Variants in GDF15 observed in about 807,000 individuals in gnomAD.
GDF15 encodes the protein growth differentiation factor 15.
GDF15 carries 10 observed loss-of-function variants against 8.9 expected under a neutral mutation model. The ratio of observed to expected loss-of-function variants is 1.12; its 90% CI spans 0.69 to 1.90. GDF15 has a LOEUF of 1.90. Among genes scored for constraint, GDF15 ranks in the 40% most tolerant of loss-of-function variants. The pLI is 0.00. For synonymous variants in GDF15, 228 were observed against 210.6 expected, an observed-to-expected ratio of 1.08 and a Z score of -0.72; for missense variants, 452 against 434.2, an observed-to-expected ratio of 1.04 and a Z score of -0.36.
chr19:18,386,571 G>A, intron 1 of GDF15, 105 bp downstream of exon 1: 1 of 966,434 alleles, frequency 1.0e-6, no homozygotes, highest in East Asian at 2.6e-5. Context: ...AGCCTCAGTT[G>A]CCCCATCTGT....
chr19:18,388,681 T>TG lies in GDF15; in HGVS notation c.676dup (p.Ala226GlyfsTer73), dbSNP rs1971864270. ...CCGCGCGTCGCTGGAAGACCTGGGC[T>TG]GGGCCGATTGGGTGCTGTCGCCACG... is the stretch of plus-strand genomic sequence containing the variant. On this transcript the variant is annotated frameshift_variant, in exon 2 of 2. Coordinates refer to ENST00000252809, the MANE Select transcript of GDF15 (RefSeq NM_004864.4). LOFTEE classifies it low-confidence loss of function (END_TRUNC). This position sits in a 1 kb window ranked among gnomAD's most constrained non-coding sequence, Gnocchi z 4.2. 6.2e-7 allele frequency: 1 copy of TG among 1,607,402 alleles called. No homozygotes were observed. Among genetic ancestry groups the TG allele is most frequent in the Non-Finnish European group, 8.5e-7 (1 of 1,178,086 alleles).
intron 1 of GDF15, among the ~76,000 whole-genome samples, chr19:18,387,769 A>G (rs1297321059): frequency 6.9e-6 from 1 of 144,108 alleles, no homozygotes; most frequent in East Asian, 2.1e-4. Flanking sequence ...GAAGAGGAGG[A>G]GCCAGCCATA....
Position 18,386,459 on chromosome 19 carries a change from G to A in GDF15, c.270G>A (p.Thr90=), listed in dbSNP as rs746324703. ...CGGCCCCTGCAGTCCGGATACTCAC[G>A]CCAGAAGGTAAGTGAAATCTTAGAG... The part of the protein sequence containing the change: ...LVPAPAVRIL[T]PEVRLGSGGH... The change falls in exon 1 of 2, where the codon ACG becomes ACA. Residue 90 remains threonine, a synonymous_variant. Coordinates refer to ENST00000252809, the MANE Select transcript of GDF15 (RefSeq NM_004864.4). The A allele has an allele frequency of 9.3e-6, 15 of 1,608,956 alleles. No homozygotes were observed. In the South Asian group the frequency reaches 1.5e-4, roughly 16 times the overall value.
At position 18,388,471 on chromosome 19, in the gene GDF15, C is replaced by T; in HGVS notation, c.463C>T (p.Leu155=). ...CCTTGCAAGACCCCAGGCGCCCGCG[C>T]TGCACCTGCGACTGTCGCCGCCGCC... The part of the protein sequence containing the change: ...LSLARPQAPA[L]HLRLSPPPSQ... The change falls in exon 2 of 2, where the codon CTG becomes TTG. Residue 155 remains leucine, a synonymous_variant. Transcript: ENST00000252809. The surrounding 1 kb of genome is among the most constrained non-coding windows in gnomAD (Gnocchi z 4.2). 1 of 1,607,966 alleles carries T rather than the reference C, an allele frequency of 6.2e-7. No homozygotes were observed. Among genetic ancestry groups the T allele is most frequent in the South Asian group, 1.1e-5 (1 of 90,822 alleles).
intron 1 of GDF15, 182 bp downstream of exon 1, chr19:18,386,648 A>C (rs1262527386): frequency 3.3e-6 from 2 of 609,354 alleles, no homozygotes; most frequent in Non-Finnish European, 5.8e-6. Context: ...ATTTGCACCC[A>C]CAACGTGGGA....
chr19:18,386,501 C>G (rs764881876), intron 1 of GDF15, 35 bp downstream of exon 1: 1 of 1,564,128 alleles, frequency 6.4e-7, no homozygotes, highest in South Asian at 1.1e-5. Flanking sequence ...TCCCACCCCC[C>G]AAGCAGCCCC....
rs769997784 is a variant in GDF15 at position 18,388,568 on chromosome 19, A to C, written c.560A>C (p.Gln187Pro). The change falls in exon 2 of 2, where the codon CAA becomes CCA. Residue 187 changes from glutamine to proline, a missense_variant. Physicochemically the swap from Gln to Pro is moderately conservative, Grantham distance 76. Transcript: ENST00000252809. The surrounding 1 kb of genome is among the most constrained non-coding windows in gnomAD (Gnocchi z 4.2). ...CAGCTGGAGTTGCACTTGCGGCCGC[A>C]AGCCGCCAGGGGGCGCCGCAGAGCG... ...RPQLELHLRP[Q>P]AARGRRRARA... 6 of 1,598,890 alleles carry C rather than the reference A, an allele frequency of 3.8e-6. No homozygotes were observed. The highest frequency in any genetic ancestry group is 4.3e-6 in the Non-Finnish European group (5 of 1,175,948).
At chr19:18,387,813 C>CTTTTTGTTTTTTTTTTTTGTTTTTTTTTT (rs1971848030) in intron 1 of GDF15, among the ~76,000 whole-genome samples, 4 of 70,328 alleles carry the variant, frequency 5.7e-5, no homozygotes, top group African/African-American at 2.4e-4. Flanking sequence ...GAGAAATGCC[C>CTTTTTGTTTTTTTTTTTTGTTTTTTTTTT]TTTTTTTTTT....
In GDF15 at chr19:18,388,565, C is replaced by G. The variant is rs770559920; in HGVS notation, c.557C>G (p.Pro186Arg). The G allele has an allele frequency of 6.3e-7, 1 of 1,597,622 alleles. No individual in the cohort carries two copies. Among genetic ancestry groups the G allele is most frequent in the Admixed American group, 1.7e-5 (1 of 58,574 alleles). ...CCCCAGCTGGAGTTGCACTTGCGGC[C>G]GCAAGCCGCCAGGGGGCGCCGCAGA... ...ARPQLELHLR[P>R]QAARGRRRAR... The change falls in exon 2 of 2, where the codon CCG (proline) becomes CGG (arginine). Residue 186 changes from proline to arginine, a missense_variant. Physicochemically the swap from Pro to Arg is moderately radical, Grantham distance 103. Coordinates refer to ENST00000252809, the MANE Select transcript of GDF15 (RefSeq NM_004864.4). The surrounding 1 kb of genome is among the most constrained non-coding windows in gnomAD (Gnocchi z 4.2).
rs201695537 is a variant in GDF15, at chr19:18,386,289, G to C, written c.100G>C (p.Glu34Gln). ...LPHGGALSLAEASRASFPGPS... is the reference protein window; with the variant it reads ...LPHGGALSLAQASRASFPGPS... ...GCATGGGGGCGCCCTGTCTCTGGCC[G>C]AGGCGAGCCGCGCAAGTTTCCCGGG... Residue 34 changes from glutamate to glutamine, a missense_variant, in exon 1 of 2, where the codon GAG becomes CAG. By Grantham distance (29) the Glu-to-Gln change is conservative (BLOSUM62 2). Coordinates refer to ENST00000252809, the MANE Select transcript of GDF15 (RefSeq NM_004864.4). The C allele has an allele frequency of 6.2e-7, 1 of 1,614,092 alleles. No homozygotes were observed. The highest frequency in any genetic ancestry group is 8.5e-7 in the Non-Finnish European group (1 of 1,180,026).
chr19:18,386,374 A>T lies in GDF15; in HGVS notation c.185A>T (p.Asp62Val). 2 of 1,613,956 alleles carry T rather than the reference A, an allele frequency of 1.2e-6. No individual in the cohort carries two copies. Among genetic ancestry groups the T allele is most frequent in the Non-Finnish European group, 1.7e-6 (2 of 1,179,988 alleles). The part of the protein sequence containing the change: ...RFRELRKRYE[D>V]LLTRLRANQS... ...CGAGAGTTGCGGAAACGCTACGAGG[A>T]CCTGCTAACCAGGCTGCGGGCCAAC... Residue 62 changes from aspartate to valine, a missense_variant, in exon 1 of 2, where the codon GAC (aspartate) becomes GTC (valine). Transcript: ENST00000252809.
rs1398405541 is a variant in GDF15, at chr19:18,388,788, C to T, written c.780C>T (p.Ser260=). Residue 260 remains serine, a synonymous_variant, in exon 2 of 2, where the codon AGC becomes AGT. Transcript: ENST00000252809. This position sits in a 1 kb window ranked among gnomAD's most constrained non-coding sequence, Gnocchi z 4.2. ...ACATGCACGCGCAGATCAAGACGAG[C>T]CTGCACCGCCTGAAGCCCGACACGG... ...AANMHAQIKT[S]LHRLKPDTVP... 2.4e-5 allele frequency: 39 copies of T among 1,611,376 alleles called. No individual in the cohort carries two copies. Among genetic ancestry groups the T allele is most frequent in the Non-Finnish European group, 3.1e-5 (37 of 1,179,962 alleles).
chr19:18,389,025 C>A lies in GDF15; in HGVS notation c.*90C>A. The A allele has an allele frequency of 2.5e-6, 2 of 815,840 alleles. No individual in the cohort carries two copies. The highest frequency in any genetic ancestry group is 1.9e-6 in the Non-Finnish European group (1 of 520,686). 50.5% of individuals were successfully genotyped at this position (815,840 alleles called of 1,614,324 possible). A position where few individuals can be genotyped will look rare whatever the true frequency, so the allele number is the denominator to read the frequency against. ...GAATGGGCTCAAGGTTCCTGAGACA[C>A]CCGATTCCTGCCCAAACAGCTGTAT... On this transcript the variant is annotated 3_prime_UTR_variant, in exon 2 of 2. Coordinates refer to ENST00000252809, the MANE Select transcript of GDF15 (RefSeq NM_004864.4).
At position 18,386,224 on chromosome 19, in the gene GDF15, C is replaced by T. The variant is rs1600248628; in HGVS notation, c.35C>T (p.Ser12Phe). Residue 12 changes from serine (S) to phenylalanine (F), a missense_variant, in exon 1 of 2, where the codon TCT becomes TTT. Ser to Phe is a radical substitution (Grantham distance 155). Coordinates refer to ENST00000252809, the MANE Select transcript of GDF15 (RefSeq NM_004864.4). Reference protein sequence around the residue: ...PGQELRTVNGSQMLLVLLVLS... With the variant: ...PGQELRTVNGFQMLLVLLVLS... ...CAAGAACTCAGGACGGTGAATGGCT[C>T]TCAGATGCTCCTGGTGTTGCTGGTG... The T allele has an allele frequency of 6.2e-7, 1 of 1,613,072 alleles. No individual in the cohort carries two copies. Among genetic ancestry groups the T allele is most frequent in the South Asian group, 1.1e-5 (1 of 91,024 alleles).
chr19:18,386,939 T>G, intron 1 of GDF15: 1 of 177,664 alleles, frequency 5.6e-6, no homozygotes, highest in South Asian at 1.1e-4. Flanking sequence ...GAGCGACTTG[T>G]TAGGGGAGGA....
At chr19:18,387,813 C>CTTTTTTTTTTTTTTTTTT (rs538473844) in intron 1 of GDF15, among the ~76,000 whole-genome samples, 936 of 70,276 alleles carry the variant, frequency 0.013, 153 homozygotes, top group Middle Eastern at 0.015. Flanking sequence ...GAGAAATGCC[C>CTTTTTTTTTTTTTTTTTT]TTTTTTTTTT....
Position 18,386,320 on chromosome 19 carries a change from C to CAGAA in GDF15, c.134_135insAAGA (p.Leu46ArgfsTer254). On this transcript the variant is annotated frameshift_variant, in exon 1 of 2. Transcript: ENST00000252809. LOFTEE classifies it high-confidence loss of function. The stretch of plus-strand genomic sequence containing the variant: ...AGCCGCGCAAGTTTCCCGGGACCCT[C>CAGAA]AGAGTTGCACTCCGAAGACTCCAGA... The CAGAA allele has an allele frequency of 6.2e-7, 1 of 1,614,148 alleles. No homozygotes were observed.
In GDF15 at chr19:18,388,011, C is replaced by T. The variant is rs1239453456; in HGVS notation, c.278-275C>T. Among the ~76,000 whole-genome samples, 1 of 151,756 alleles carries T rather than the reference C, an allele frequency of 6.6e-6. No homozygotes were observed. The highest frequency in any genetic ancestry group is 1.5e-5 in the Non-Finnish European group (1 of 67,938). On this transcript the variant is annotated intron_variant, in intron 1 of 1. Coordinates refer to ENST00000252809, the MANE Select transcript of GDF15 (RefSeq NM_004864.4). The surrounding 1 kb of genome is among the most constrained non-coding windows in gnomAD (Gnocchi z 4.2). ...TAATTTTTGGTATTTTTAGTAGAAGCGGGCGTTTCACCATATTGGCCACAT... is the reference window on the plus strand; with the variant it reads ...TAATTTTTGGTATTTTTAGTAGAAGTGGGCGTTTCACCATATTGGCCACAT...
Position 18,389,152 on chromosome 19 carries a change from T to TA in GDF15, c.*222dup. The TA allele has an allele frequency of 2.2e-6, 1 of 452,146 alleles. No individual in the cohort carries two copies. The highest frequency in any genetic ancestry group is 3.9e-6 in the Non-Finnish European group (1 of 256,006). The allele number at this position is 452,146 out of a possible 1,614,324, so 28.0% of individuals were successfully genotyped here. ...GTGTATTTATTTAAAACTCTGGTGA[T>TA]AAAAATAAAGCTGTCTGAACTGTTC... On this transcript the variant is annotated 3_prime_UTR_variant, in exon 2 of 2. Transcript: ENST00000252809.
Sources: allele counts gnomAD v4.1 joint callset (sites outside exome capture counted in the v4.1 genomes callset), GRCh38; gene constraint gnomAD v4.1.1; non-coding constraint Gnocchi (gnomAD v3.1); transcripts MANE v1.5; gene names NCBI Gene and HGNC (gene_info 2026-07-23, HGNC 2026-07-21).